FYCO1: variants seen among roughly 807,000 people sequenced by gnomAD.
FYCO1 encodes the protein FYVE and coiled-coil domain autophagy adaptor 1, also known as FYVE and coiled-coil domain-containing protein 1.
Under a neutral mutation model 165.1 loss-of-function variants are expected in FYCO1, and 122 were observed. The ratio of observed to expected loss-of-function variants is 0.74; its 90% CI spans 0.64 to 0.86. The LOEUF is 0.86. Ranked by LOEUF, FYCO1 falls within the 40% of genes least tolerant of loss-of-function variation. FYCO1 has a pLI of 0.00. For missense variants in FYCO1, 1,702 were observed against 1,810.3 expected (o/e 0.94, Z 1.09); for synonymous variants, 648 against 742.5 (o/e 0.87, Z 2.07).
chr3:45,958,436 T>A lies in FYCO1; in HGVS notation c.3771A>T (p.Ser1257=), dbSNP rs749911545. ...GGCCTCCTGTGGCCTGGGGCCCAGG[T>A]GAGGCTGGTGACAGTGCAGGGCTGG... ...GEPSPALSPA[S]PGPQATGGQG... is the part of the protein sequence containing the mutation. The change falls in exon 13 of 18, where the codon TCA becomes TCT. Residue 1257 remains serine, a synonymous_variant. Coordinates refer to ENST00000296137, the MANE Select transcript of FYCO1 (RefSeq NM_024513.4). 6.2e-7 allele frequency: 1 copy of A among 1,612,684 alleles called. No individual in the cohort carries two copies. Among genetic ancestry groups the A allele is most frequent in the Admixed American group, 1.7e-5 (1 of 60,020 alleles).
In FYCO1 at chr3:45,966,881, G is replaced by T; in HGVS notation, c.2453C>A (p.Ala818Asp). The change falls in exon 8 of 18, where the codon GCC (alanine) becomes GAC (aspartate). Residue 818 changes from alanine (A) to aspartate (D), a missense_variant. Coordinates refer to ENST00000296137, the MANE Select transcript of FYCO1 (RefSeq NM_024513.4). The part of the protein sequence containing the change: ...KVQSQLSMAE[A>D]VLREHKTLVQ... ...AAGGGTTTTGTGCTCCCTCAGGACGGCCTCAGCCATGCTTAGCTGGCTCTG... is the reference window on the plus strand; with the variant it reads ...AAGGGTTTTGTGCTCCCTCAGGACGTCCTCAGCCATGCTTAGCTGGCTCTG... The T allele has an allele frequency of 6.2e-7, 1 of 1,613,348 alleles. No homozygotes were observed. Among genetic ancestry groups the T allele is most frequent in the Non-Finnish European group, 8.5e-7 (1 of 1,180,032 alleles).
At chr3:45,951,139 G>T (rs1443934047) in intron 14 of FYCO1, among the ~76,000 whole-genome samples, 1 of 152,156 alleles carries the variant, frequency 6.6e-6, no homozygotes, top group Non-Finnish European at 1.5e-5. Context: ...CGCAGTGCAA[G>T]GTACTGAGGT....
chr3:45,955,400 AGCAG>A lies in FYCO1; in HGVS notation c.3800-11_3800-8del. Reference sequence around the variant, plus strand: ...CTGTAGTCTGTATTTGCTCCTGGGCAGCAGAGGCAGATCAGGAGAGAAGAGACAC... The same window carrying A: ...CTGTAGTCTGTATTTGCTCCTGGGCAAGGCAGATCAGGAGAGAAGAGACAC... On this transcript the variant is annotated splice_region_variant and splice_polypyrimidine_tract_variant and intron_variant, in intron 13 of 17. Coordinates refer to ENST00000296137, the MANE Select transcript of FYCO1 (RefSeq NM_024513.4). 6.2e-7 allele frequency: 1 copy of A among 1,614,142 alleles called. No individual in the cohort carries two copies. Among genetic ancestry groups the A allele is most frequent in the East Asian group, 2.2e-5 (1 of 44,888 alleles).
chr3:45,948,540 T>C (rs964260707), intron 14 of FYCO1, among the ~76,000 whole-genome samples: 2 of 152,234 alleles, frequency 1.3e-5, no homozygotes, highest in African/African-American at 4.8e-5. Flanking sequence ...CTGTCCAAAG[T>C]GTGGGGCACA....
In FYCO1 at chr3:45,935,181, C is replaced by A. The variant is rs547713967; in HGVS notation, c.4040+1267G>T. 2.0e-5 allele frequency among the ~76,000 whole-genome samples: 3 copies of A among 152,318 alleles called. No individual in the cohort carries two copies. In the South Asian group the frequency reaches 6.2e-4, roughly 32 times the overall value. On this transcript the variant is annotated intron_variant, in intron 15 of 17. Coordinates refer to ENST00000296137, the MANE Select transcript of FYCO1 (RefSeq NM_024513.4). ...GGTCCAGAATTTGCCCTGGTCTCTG[C>A]CCTCTCTGCCAACACTTGGTCCAAG...
rs913753150 is a variant in FYCO1, at chr3:45,967,056, T to C, written c.2278A>G (p.Thr760Ala). The change falls in exon 8 of 18, where the codon ACT (threonine) becomes GCT (alanine). Residue 760 changes from threonine (T) to alanine (A), a missense_variant. Physicochemically the swap from Thr to Ala is moderately conservative, Grantham distance 58. Coordinates refer to ENST00000296137, the MANE Select transcript of FYCO1 (RefSeq NM_024513.4). ...EKGQQGVGPP[T>A]DNEARELAAQ... ...GCCAGCTCACGGGCTTCATTGTCAGTGGGTGGGCCAACTCCCTGTTGGCCT... is the reference window on the plus strand; with the variant it reads ...GCCAGCTCACGGGCTTCATTGTCAGCGGGTGGGCCAACTCCCTGTTGGCCT... 6.8e-5 allele frequency: 109 copies of C among 1,613,474 alleles called. No individual in the cohort carries two copies. Among genetic ancestry groups the C allele is most frequent in the Non-Finnish European group, 8.8e-5 (104 of 1,180,002 alleles).
chr3:45,923,067 T>C (rs1703163333), intron 17 of FYCO1, among the ~76,000 whole-genome samples: 1 of 152,232 alleles, frequency 6.6e-6, no homozygotes, highest in African/African-American at 2.4e-5. Flanking sequence ...CTCATTCTCT[T>C]GTCCAGCTTC....
Position 45,923,712 on chromosome 3 carries a change from C to A in FYCO1, c.4305G>T (p.Gln1435His). Reference protein sequence around the residue: ...CNSHKENIQGQLKVRTPGIYM... With the variant: ...CNSHKENIQGHLKVRTPGIYM... ...AGATGCCGGGTGTGCGAACCTTGAG[C>A]TGGCCCTGGATGTTCTCCTTGTGGG... Residue 1435 changes from glutamine (Q) to histidine (H), a missense_variant, in exon 17 of 18, where the codon CAG becomes CAT. Physicochemically the swap from Gln to His is conservative, Grantham distance 24 (BLOSUM62 0). Coordinates refer to ENST00000296137, the MANE Select transcript of FYCO1 (RefSeq NM_024513.4). 1.2e-6 allele frequency: 2 copies of A among 1,614,186 alleles called. No homozygotes were observed. The highest frequency in any genetic ancestry group is 1.7e-6 in the Non-Finnish European group (2 of 1,180,022).
At chr3:45,943,404 T>C (rs1704366717) in intron 14 of FYCO1, 1 of 151,994 alleles carries the variant, frequency 6.6e-6, no homozygotes, top group Non-Finnish European at 1.5e-5. Context: ...GAGTAGGGGG[T>C]GGGTCTCTTA....
chr3:45,954,398 C>G (rs911077379), intron 14 of FYCO1, among the ~76,000 whole-genome samples: 2 of 152,114 alleles, frequency 1.3e-5, no homozygotes, highest in African/African-American at 4.8e-5. Context: ...CCCTATAGTC[C>G]AGTGGTCCCT....
At chr3:45,936,615 G>T in intron 14 of FYCO1, 72 bp from the exon 15 acceptor site, 1 of 1,087,836 alleles carries the variant, frequency 9.2e-7, no homozygotes, top group Non-Finnish European at 1.4e-6. Flanking sequence ...GGGGTCCGCA[G>T]TCTTGGAGTC....
At chr3:45,969,790 C>G (rs759024992) in intron 6 of FYCO1, 25 bp from the exon 7 acceptor site, 1 of 1,600,388 alleles carries the variant, frequency 6.2e-7, no homozygotes, top group Non-Finnish European at 8.6e-7. Context: ...AACAGACATA[C>G]CTGTATTCAG....
Position 45,923,654 on chromosome 3 carries a change from A to G in FYCO1, c.4361+2T>C. ...TGGAGCTGGTGCCTGAGGTGGCCCT[A>G]CCTTGAGAAGGTATTGTCGAAGATG... is the stretch of plus-strand genomic sequence containing the variant. On this transcript the variant is annotated splice_donor_variant, in intron 17 of 17. Coordinates refer to ENST00000296137, the MANE Select transcript of FYCO1 (RefSeq NM_024513.4). LOFTEE classifies it high-confidence loss of function. 1.2e-6 allele frequency: 2 copies of G among 1,605,204 alleles called. No homozygotes were observed. Among genetic ancestry groups the G allele is most frequent in the South Asian group, 2.2e-5 (2 of 90,906 alleles).
intron 3 of FYCO1, among the ~76,000 whole-genome samples, chr3:45,981,366 C>A (rs1452044651): frequency 1.3e-5 from 2 of 152,190 alleles, no homozygotes; most frequent in African/African-American, 2.4e-5. Flanking sequence ...TCAAAGCCAT[C>A]CTAAGGGGCA....
chr3:45,946,753 G>A, intron 14 of FYCO1: 1 of 1,614,222 alleles, frequency 6.2e-7, no homozygotes, highest in Non-Finnish European at 8.5e-7. Context: ...GCCTATGCAG[G>A]CATCCATGAA....
Position 45,955,262 on chromosome 3 carries a change from T to C in FYCO1, c.3931A>G (p.Asn1311Asp). Residue 1311 changes from asparagine to aspartate, a missense_variant, in exon 14 of 18, where the codon AAT becomes GAT. Physicochemically the swap from Asn to Asp is conservative, Grantham distance 23. Transcript: ENST00000296137. ...ACCTCTACTCACTGTTCAGCCGCAT[T>C]TGGGTCGAGAGAATCAGTTTCAGTG... is the stretch of plus-strand genomic sequence containing the variant. ...TPTETDSLDP[N>D]AAEQDTTSTS... 1 of 1,614,000 alleles carries C rather than the reference T, an allele frequency of 6.2e-7. No homozygotes were observed. Among genetic ancestry groups the C allele is most frequent in the South Asian group, 1.1e-5 (1 of 91,074 alleles).
intron 1 of FYCO1, among the ~76,000 whole-genome samples, chr3:45,989,631 T>G (rs1447622173): frequency 6.6e-6 from 1 of 152,252 alleles, no homozygotes; most frequent in Non-Finnish European, 1.5e-5. Flanking sequence ...CAAACACTCC[T>G]TTTTGCTTGT....
intron 4 of FYCO1, among the ~76,000 whole-genome samples, chr3:45,976,615 G>C (rs1443488037): frequency 6.6e-6 from 1 of 152,176 alleles, no homozygotes; most frequent in South Asian, 2.1e-4. Flanking sequence ...GGGGAAGGGG[G>C]AGCAGTGGTT....
At chr3:45,989,299 AGAGTCCATTG>A (rs1055303278) in intron 1 of FYCO1, among the ~76,000 whole-genome samples, 9 of 152,230 alleles carry the variant, frequency 5.9e-5, no homozygotes, top group African/African-American at 2.2e-4. Flanking sequence ...CCTTTCTGGA[AGAGTCCATTG>A]CCTAGGCCTG....
Sources: allele counts gnomAD v4.1 joint callset (sites outside exome capture counted in the v4.1 genomes callset), GRCh38; gene constraint gnomAD v4.1.1; transcripts MANE v1.5; gene names NCBI Gene and HGNC (gene_info 2026-07-23, HGNC 2026-07-21).